The following DNAH8 variants were observed in gnomAD, a reference collection of about 807,000 sequenced individuals.
DNAH8 encodes the protein axonemal beta dynein heavy chain 8.
Under a neutral mutation model 562.1 loss-of-function variants are expected in DNAH8, and 382 were observed. That is an observed-to-expected ratio of 0.68 (90% CI 0.63 to 0.74). The LOEUF (loss-of-function observed/expected upper bound fraction) is 0.74, where lower values mean the gene tolerates loss of function less well. DNAH8 is among the 30% of genes least tolerant of loss of function. The pLI is 0.00. For missense variants in DNAH8, 5,203 were observed against 5,620.4 expected (o/e 0.93, Z 2.37); for synonymous variants, 1,881 against 1,919.4 (o/e 0.98, Z 0.52).
chr6:38,974,596 G>A lies in DNAH8; in HGVS notation c.12834+67G>A, dbSNP rs1480057484. ...TGGTGTGCTGAGGCCCCATTGGAGA[G>A]GCTTCCAGGAGGGTGCTATCCGTTG... On this transcript the variant is annotated intron_variant, in intron 85 of 92. Transcript: ENST00000327475. 8.1e-6 allele frequency: 11 copies of A among 1,366,234 alleles called. No homozygotes were observed. The African/African-American group carries it at 1.4e-4, about 18-fold the overall frequency. 84.6% of individuals were successfully genotyped at this position (1,366,234 alleles called of 1,614,324 possible).
At chr6:38,723,505 C>T (rs1431414393) in intron 3 of DNAH8, 34 bp downstream of exon 3, 35 of 1,578,032 alleles carry the variant, frequency 2.2e-5, no homozygotes, top group Non-Finnish European at 2.9e-5. Flanking sequence ...ATTTTAATTG[C>T]CCTTTGAGTA....
At position 38,775,246 on chromosome 6, in the gene DNAH8, T is replaced by C. The variant is rs1327395103; in HGVS notation, c.1765-508T>C. ...AAAGACAGCCATTTCTGAAATGAAG[T>C]CCACTGTGAGGGTTTCCCAGGTCTC... On this transcript the variant is annotated intron_variant, in intron 12 of 92. Coordinates refer to ENST00000327475, the MANE Select transcript of DNAH8 (RefSeq NM_001206927.2). Among the ~76,000 whole-genome samples the C allele has an allele frequency of 2.0e-5, 3 of 152,258 alleles. No individual in the cohort carries two copies. The East Asian group carries it at 5.8e-4, about 29-fold the overall frequency.
chr6:38,864,111 A>G (rs1173376130), intron 45 of DNAH8, 51 bp downstream of exon 45: 4 of 1,544,778 alleles, frequency 2.6e-6, no homozygotes, highest in Non-Finnish European at 3.5e-6. Flanking sequence ...TGTTACAGAC[A>G]TAAATAAAAC....
intron 8 of DNAH8, among the ~76,000 whole-genome samples, chr6:38,742,130 T>G (rs1351582110): frequency 6.6e-6 from 1 of 152,202 alleles, no homozygotes; most frequent in Non-Finnish European, 1.5e-5. Context: ...TGATCATCTT[T>G]TATTTTTAAA....
chr6:38,737,299 C>A, intron 6 of DNAH8, 43 bp downstream of exon 6: 2 of 1,183,152 alleles, frequency 1.7e-6, no homozygotes, highest in Non-Finnish European at 1.1e-6. Flanking sequence ...AAAAAAGAAG[C>A]AAATTAACTA....
chr6:38,938,310 A>C, intron 78 of DNAH8, 84 bp downstream of exon 78: 1 of 1,471,244 alleles, frequency 6.8e-7, no homozygotes, highest in Non-Finnish European at 9.1e-7. Context: ...CTTTTTCACT[A>C]TTCACAATAG....
intron 89 of DNAH8, among the ~76,000 whole-genome samples, chr6:39,010,412 G>C (rs1332016): frequency 6.6e-6 from 1 of 151,886 alleles, no homozygotes; most frequent in African/African-American, 2.4e-5. Context: ...GCTATATAAG[G>C]CTACAGCAAG....
chr6:38,887,537 T>A (rs1227642903), intron 57 of DNAH8, among the ~76,000 whole-genome samples: 1 of 151,986 alleles, frequency 6.6e-6, no homozygotes, highest in African/African-American at 2.4e-5. Flanking sequence ...GAGACCCCAT[T>A]TCTACAAAAA....
Position 38,982,415 on chromosome 6 carries a change from A to T in DNAH8, c.12904A>T (p.Ser4302Cys). The change falls in exon 86 of 93, where the codon AGT (serine) becomes TGT (cysteine). Residue 4302 changes from serine to cysteine, a missense_variant. By Grantham distance (112) the Ser-to-Cys change is moderately radical. Coordinates refer to ENST00000327475, the MANE Select transcript of DNAH8 (RefSeq NM_001206927.2). The stretch of plus-strand genomic sequence containing the variant: ...ATTCAATTCTGCTGACTTTTCAGCC[A>T]GTGTTCAGTTTATTCAGAATCACCT... ...YEFNSADFSA[S>C]VQFIQNHLDE... 6.2e-7 allele frequency: 1 copy of T among 1,611,358 alleles called. No homozygotes were observed.
chr6:38,811,005 T>C lies in DNAH8; in HGVS notation c.3258-3049T>C, dbSNP rs192609669. ...GAGTTTTGTTGCTGCTGATGAGAAG[T>C]CTGCAAGAGTCTAACTGAATATTCT... On this transcript the variant is annotated intron_variant, in intron 24 of 92. Coordinates refer to ENST00000327475, the MANE Select transcript of DNAH8 (RefSeq NM_001206927.2). Among the ~76,000 whole-genome samples the C allele has an allele frequency of 1.3e-3, 202 of 152,314 alleles. 1 individual carries two copies. Among genetic ancestry groups the C allele is most frequent in the Non-Finnish European group, 6.2e-4 (42 of 68,040 alleles).
At chr6:38,950,001 G>GA (rs1035272426) in intron 81 of DNAH8, among the ~76,000 whole-genome samples, 2 of 152,020 alleles carry the variant, frequency 1.3e-5, no homozygotes, top group Non-Finnish European at 2.9e-5. Context: ...TTGCATTCGA[G>GA]AAAAAAACCC....
chr6:38,969,395 C>G (rs1027063183), intron 82 of DNAH8, among the ~76,000 whole-genome samples: 2 of 152,000 alleles, frequency 1.3e-5, no homozygotes, highest in Admixed American at 6.6e-5. Context: ...AGCTGATATT[C>G]TAGACTGGGG....
intron 79 of DNAH8, among the ~76,000 whole-genome samples, chr6:38,939,879 A>G (rs1431012801): frequency 6.6e-6 from 1 of 152,184 alleles, no homozygotes. Flanking sequence ...AATGAGGAAA[A>G]CATTCCATGC....
At chr6:38,748,231 A>T (rs1765122405) in intron 8 of DNAH8, among the ~76,000 whole-genome samples, 1 of 152,250 alleles carries the variant, frequency 6.6e-6, no homozygotes, top group African/African-American at 2.4e-5. Flanking sequence ...ATGATCTGCC[A>T]TAGTGACCTT....
chr6:38,722,888 C>G lies in DNAH8; in HGVS notation c.79C>G (p.Arg27Gly). Residue 27 changes from arginine (R) to glycine (G), a missense_variant, in exon 2 of 93, where the codon CGT becomes GGT. Arg to Gly is a moderately radical substitution (Grantham distance 125). This residue lies in a region of DNAH8 where 556 missense variants were observed against 496.9 expected (regional missense o/e 1.12). Coordinates refer to ENST00000327475, the MANE Select transcript of DNAH8 (RefSeq NM_001206927.2). ...CTCTACGGAAGAGGCTGCCCCTCCC[C>G]GTTCAGAAGAGGAAGAGGCCCCGCG... is the stretch of plus-strand genomic sequence containing the variant. Reference protein sequence around the residue: ...PPSTEEAAPPRSEEEEAPRPP... With the variant: ...PPSTEEAAPPGSEEEEAPRPP... 2 of 1,612,056 alleles carry G rather than the reference C, an allele frequency of 1.2e-6. No homozygotes were observed. The highest frequency in any genetic ancestry group is 1.7e-6 in the Non-Finnish European group (2 of 1,179,614).
chr6:38,726,026 C>T (rs1763189121), intron 3 of DNAH8, among the ~76,000 whole-genome samples: 2 of 152,152 alleles, frequency 1.3e-5, no homozygotes, highest in South Asian at 4.1e-4. Context: ...TATACACATC[C>T]CTGAGATGGT....
intron 62 of DNAH8, among the ~76,000 whole-genome samples, chr6:38,904,792 C>CAAAA (rs759782655): frequency 7.2e-4 from 62 of 85,974 alleles, no homozygotes; most frequent in African/African-American, 1.3e-3. Context: ...AACTCCGTCT[C>CAAAA]AAAAAAAAAA....
chr6:38,897,460 T>A (rs1779781507), intron 60 of DNAH8, among the ~76,000 whole-genome samples: 1 of 152,160 alleles, frequency 6.6e-6, no homozygotes, highest in Non-Finnish European at 1.5e-5. Flanking sequence ...AGTATTTCAT[T>A]TAACAGCAAC....
chr6:39,017,638 C>A (rs924574361), intron 91 of DNAH8, among the ~76,000 whole-genome samples: 7 of 152,046 alleles, frequency 4.6e-5, no homozygotes, highest in Non-Finnish European at 1.0e-4. Flanking sequence ...CCACTTTTTT[C>A]TGTTATTTTT....
Sources: gnomAD v4.1 joint callset for allele counts (sites outside exome capture counted in the v4.1 genomes callset) on GRCh38, gnomAD v4.1.1 for gene constraint, gnomAD v4.1.1 regional missense constraint, MANE v1.5 for transcripts, NCBI Gene and HGNC (gene_info 2026-07-23, HGNC 2026-07-21) for gene names.